Variants in BANP observed in about 807,000 individuals in gnomAD.
BANP encodes the protein protein BANP.
BANP carries 11 observed loss-of-function variants against 68.1 expected under a neutral mutation model. The ratio of observed to expected loss-of-function variants is 0.16; its 90% CI spans 0.10 to 0.27. BANP has a LOEUF of 0.27. BANP is among the 10% of genes least tolerant of loss of function. BANP has a pLI of 1.00. For synonymous variants in BANP, 329 were observed against 303.2 expected (o/e 1.09, Z -0.88); for missense variants, 504 against 722.7 (o/e 0.70, Z 3.47).
intron 1 of BANP, among the ~76,000 whole-genome samples, chr16:87,969,083 C>T (rs543267944): frequency 6.6e-6 from 1 of 152,272 alleles, no homozygotes; most frequent in East Asian, 1.9e-4. Context: ...CACTGCCCTG[C>T]CCAGTTGATA....
At chr16:88,023,458 G>A (rs1349663920) in intron 7 of BANP, among the ~76,000 whole-genome samples, 4 of 71,548 alleles carry the variant, frequency 5.6e-5, no homozygotes, top group Admixed American at 2.4e-4. Context: ...GGCTTCCATC[G>A]GGCAGAGGCC....
intron 11 of BANP, among the ~76,000 whole-genome samples, chr16:88,042,407 C>T (rs566768672): frequency 4.4e-4 from 67 of 152,328 alleles, no homozygotes; most frequent in African/African-American, 1.5e-3. Flanking sequence ...CAGGAGCGCT[C>T]ACTTCCTCTC....
In BANP at chr16:87,957,034, T is replaced by G. The variant is rs1049479661; in HGVS notation, c.-69+5519T>G. ...GCCAGCAGATGGTGTGCCGAGATAC[T>G]GTGAAGTCACATGAACTTGATTCCT... On this transcript the variant is annotated intron_variant, in intron 1 of 13. Transcript: ENST00000682872. The surrounding 1 kb of genome is among the most constrained non-coding windows in gnomAD (Gnocchi z 4.3). 6.6e-6 allele frequency: 1 copy of G among 152,244 alleles called. No individual in the cohort carries two copies. Among genetic ancestry groups the G allele is most frequent in the Admixed American group, 6.5e-5 (1 of 15,290 alleles). The allele number at this position is 152,244 out of a possible 1,614,324, so 9.4% of individuals were successfully genotyped here.
chr16:88,055,663 C>G (rs189201961), intron 11 of BANP, among the ~76,000 whole-genome samples: 1 of 152,016 alleles, frequency 6.6e-6, no homozygotes, highest in African/African-American at 2.4e-5. Flanking sequence ...TGCAGGGTGT[C>G]TTTATCTATA....
intron 1 of BANP, among the ~76,000 whole-genome samples, chr16:87,954,873 C>T (rs2057734577): frequency 6.6e-6 from 1 of 152,248 alleles, no homozygotes; most frequent in Non-Finnish European, 1.5e-5. Flanking sequence ...AATTTGCAAG[C>T]CTGTTCTATT....
At chr16:88,040,939 G>T (rs1294327956) in intron 11 of BANP, among the ~76,000 whole-genome samples, 1 of 152,242 alleles carries the variant, frequency 6.6e-6, no homozygotes, top group Non-Finnish European at 1.5e-5. Flanking sequence ...TTTAGGAATG[G>T]TTATGTGGCA....
chr16:88,063,271 G>GCCCTC (rs889002446), intron 11 of BANP, among the ~76,000 whole-genome samples: 3 of 152,208 alleles, frequency 2.0e-5, no homozygotes, highest in East Asian at 1.9e-4. Flanking sequence ...TCGCCTCTCA[G>GCCCTC]CCCTCCCCTC....
chr16:88,075,233 C>T (rs1301793601), intron 13 of BANP, among the ~76,000 whole-genome samples: 10 of 152,196 alleles, frequency 6.6e-5, no homozygotes, highest in South Asian at 4.1e-4. Flanking sequence ...GTAATCCCAG[C>T]TGCTCGGGAG....
chr16:87,954,025 G>A (rs542320826), intron 1 of BANP, among the ~76,000 whole-genome samples: 1 of 152,182 alleles, frequency 6.6e-6, no homozygotes, highest in South Asian at 2.1e-4. Flanking sequence ...CCTACGCCGG[G>A]GACTCTGACT....
chr16:88,024,034 C>G (rs1337169929), intron 7 of BANP, among the ~76,000 whole-genome samples: 1 of 152,216 alleles, frequency 6.6e-6, no homozygotes, highest in Non-Finnish European at 1.5e-5. Context: ...CCGAGCACTT[C>G]TGTTCTCCTT....
chr16:88,014,814 A>G (rs1460886646), intron 6 of BANP, among the ~76,000 whole-genome samples: 2 of 151,872 alleles, frequency 1.3e-5, no homozygotes, highest in African/African-American at 2.4e-5. Context: ...TCCAGGTCCT[A>G]AGTCCAGAGA....
rs563309862 is a variant in BANP, at chr16:88,071,573, A to G, written c.1378-496A>G. ...TTCTGCTGGGTTCTCAGTGCCCACCAGCAGCTCCTTTGCTCTCCCTGAGCC... is the reference window on the plus strand; with the variant it reads ...TTCTGCTGGGTTCTCAGTGCCCACCGGCAGCTCCTTTGCTCTCCCTGAGCC... On this transcript the variant is annotated intron_variant, in intron 12 of 13. Coordinates refer to ENST00000682872, the MANE Select transcript of BANP (RefSeq NM_001386991.1). The surrounding 1 kb of genome is among the most constrained non-coding windows in gnomAD (Gnocchi z 6.5). 3 of 457,356 alleles carry G rather than the reference A, an allele frequency of 6.6e-6. No individual in the cohort carries two copies. The Admixed American group carries it at 7.0e-5, about 11-fold the overall frequency. The allele number at this position is 457,356 out of a possible 1,614,324, so 28.3% of individuals were successfully genotyped here.
chr16:88,063,911 T>A (rs756084642), intron 11 of BANP, among the ~76,000 whole-genome samples: 1 of 152,262 alleles, frequency 6.6e-6, no homozygotes, highest in Admixed American at 6.5e-5. Flanking sequence ...TGTTCTCAAC[T>A]GGGAATGCAT....
chr16:88,048,499 C>A (rs530951241), intron 11 of BANP, among the ~76,000 whole-genome samples: 1 of 151,340 alleles, frequency 6.6e-6, no homozygotes, highest in Non-Finnish European at 1.5e-5. Context: ...GGTATCGAGT[C>A]GGCGCTCACC....
chr16:87,968,484 C>CAACA, intron 1 of BANP, among the ~76,000 whole-genome samples: 1 of 128,706 alleles, frequency 7.8e-6, no homozygotes, highest in African/African-American at 3.1e-5. Flanking sequence ...AACTCTGTCT[C>CAACA]AAAAAAAAAA....
intron 1 of BANP, among the ~76,000 whole-genome samples, chr16:87,953,050 A>G (rs2057302017): frequency 6.6e-6 from 1 of 152,018 alleles, no homozygotes; most frequent in African/African-American, 2.4e-5. Flanking sequence ...GCAGCTCAAC[A>G]TCTCGGGTGC....
chr16:87,987,915 G>A (rs376258519), intron 4 of BANP, among the ~76,000 whole-genome samples: 11 of 151,878 alleles, frequency 7.2e-5, no homozygotes, highest in African/African-American at 2.2e-4. Context: ...GTAGGTGCAC[G>A]CTACTATGCT....
chr16:87,976,475 T>TTTTTTTTTTG (rs1491093111), intron 2 of BANP, among the ~76,000 whole-genome samples: 2 of 13,724 alleles, frequency 1.5e-4, no homozygotes, highest in Non-Finnish European at 2.6e-4. Flanking sequence ...TTTTAAAAAG[T>TTTTTTTTTTG]TTTTTTTTTT....
chr16:87,963,596 A>T (rs1379055861), intron 1 of BANP: 2 of 152,128 alleles, frequency 1.3e-5, no homozygotes, highest in African/African-American at 4.8e-5. Flanking sequence ...CAGCCTTAGG[A>T]CTTTTCTTAA....
Sources: gnomAD v4.1 joint callset for allele counts (sites outside exome capture counted in the v4.1 genomes callset) on GRCh38, gnomAD v4.1.1 for gene constraint, Gnocchi (gnomAD v3.1) non-coding constraint, MANE v1.5 for transcripts, NCBI Gene and HGNC (gene_info 2026-07-23, HGNC 2026-07-21) for gene names.